The following JPH4 variants were observed in gnomAD, a reference collection of about 807,000 sequenced individuals.
JPH4 encodes junctophilin-4.
In JPH4, 18 loss-of-function variants were observed where a neutral mutation model predicts 57.6. The observed-to-expected ratio is 0.31, with a 90% confidence interval of 0.22 to 0.46. The LOEUF (loss-of-function observed/expected upper bound fraction) is 0.46. Among genes scored for constraint, JPH4 ranks in the 20% least tolerant of loss-of-function variants. The probability of loss-of-function intolerance (pLI) is 1.00; values close to 1 mark genes in which losing one functional copy is unlikely to be tolerated. For synonymous variants in JPH4, 425 were observed against 406.6 expected (o/e 1.05, Z -0.54); for missense variants, 727 against 911.1 (o/e 0.80, Z 2.60).
Position 23,575,113 on chromosome 14 carries a change from A to G in JPH4, c.1151+572T>C, listed in dbSNP as rs1377855063. ...GCCTCCTCCCCTCAAACCTCCCATC[A>G]GTTGGGTAAAAGAAGGCAGAGGGGG... On this transcript the variant is annotated intron_variant, in intron 3 of 5. Coordinates refer to ENST00000356300, the MANE Select transcript of JPH4 (RefSeq NM_001146028.2). The surrounding 1 kb of genome is among the most constrained non-coding windows in gnomAD (Gnocchi z 6.9). 1 of 153,748 alleles carries G rather than the reference A, an allele frequency of 6.5e-6. No homozygotes were observed. Among genetic ancestry groups the G allele is most frequent in the Non-Finnish European group, 1.4e-5 (1 of 69,206 alleles). The allele number at this position is 153,748 out of a possible 1,614,324, so 9.5% of individuals were successfully genotyped here. A position where few individuals can be genotyped will look rare whatever the true frequency, so the allele number is the denominator to read the frequency against.
intron 5 of JPH4, among the ~76,000 whole-genome samples, chr14:23,570,367 CTTTTTTT>C (rs1173061430): frequency 4.8e-5 from 5 of 103,316 alleles, no homozygotes; most frequent in Admixed American, 3.2e-4. Context: ...GGGCAAGTTA[CTTTTTTT>C]TTTTTTTTTT....
In JPH4 at chr14:23,571,157, G is replaced by C. The variant is rs367723718; in HGVS notation, c.1574C>G (p.Pro525Arg). 5.7e-5 allele frequency: 92 copies of C among 1,613,986 alleles called. No individual in the cohort carries two copies. Among genetic ancestry groups the C allele is most frequent in the Admixed American group, 8.3e-5 (5 of 60,002 alleles). The change falls in exon 5 of 6, where the codon CCC (proline) becomes CGC (arginine). Residue 525 changes from proline to arginine, a missense_variant. Physicochemically the swap from Pro to Arg is moderately radical, Grantham distance 103. Around this residue, in one of 7 missense-constraint regions of JPH4, gnomAD observed 293 missense variants for 279.8 expected, o/e 1.05. Transcript: ENST00000356300. The surrounding 1 kb of genome is among the most constrained non-coding windows in gnomAD (Gnocchi z 4.6). ...TCCGAGGAGTGGGGAACCGTCTCTG[G>C]GCCCTGGCCCTTGCATCCCAGCCTC... ...EDEAGMQGPG[P>R]RDGSPLLGGC...
Position 23,576,788 on chromosome 14 carries a change from C to A in JPH4, c.379+287G>T, listed in dbSNP as rs1027982588. 3.9e-5 allele frequency among the ~76,000 whole-genome samples: 6 copies of A among 152,020 alleles called. No individual in the cohort carries two copies. Among genetic ancestry groups the A allele is most frequent in the Non-Finnish European group, 7.4e-5 (5 of 68,006 alleles). ...GCAAACAGTACTCTGAGGGGCACGC[C>A]GACCCGACGGAGAGCAGAGGTGTTG... On this transcript the variant is annotated intron_variant, in intron 2 of 5. Coordinates refer to ENST00000356300, the MANE Select transcript of JPH4 (RefSeq NM_001146028.2). This position sits in a 1 kb window ranked among gnomAD's most constrained non-coding sequence, Gnocchi z 8.0.
chr14:23,570,532 C>T lies in JPH4; in HGVS notation c.1803+396G>A, dbSNP rs746600664. 5.9e-5 allele frequency among the ~76,000 whole-genome samples: 9 copies of T among 152,164 alleles called. No homozygotes were observed. In the South Asian group the frequency reaches 6.2e-4, roughly 11 times the overall value. On this transcript the variant is annotated intron_variant, in intron 5 of 5. Coordinates refer to ENST00000356300, the MANE Select transcript of JPH4 (RefSeq NM_001146028.2). The stretch of plus-strand genomic sequence containing the variant: ...GACTACAGGCGCCCGCCACCACGCC[C>T]GGCTAAATTTTTTTTGTATTTTTAG...
chr14:23,570,974 G>C lies in JPH4; in HGVS notation c.1757C>G (p.Thr586Arg). Residue 586 changes from threonine to arginine, a missense_variant, in exon 5 of 6, where the codon ACA becomes AGA. Physicochemically the swap from Thr to Arg is moderately conservative, Grantham distance 71. Coordinates refer to ENST00000356300, the MANE Select transcript of JPH4 (RefSeq NM_001146028.2). ...SSRGPDAGCL[T>R]EELGEPAATE... is the part of the protein sequence containing the mutation. ...TGCAGCGGGCTCCCCGAGCTCTTCT[G>C]TCAGGCACCCAGCATCAGGACCCCT... 1.3e-6 allele frequency: 2 copies of C among 1,533,864 alleles called. No homozygotes were observed. The highest frequency in any genetic ancestry group is 1.8e-6 in the Non-Finnish European group (2 of 1,140,638).
chr14:23,569,566 A>T lies in JPH4; in HGVS notation c.*68T>A, dbSNP rs1484944464. On this transcript the variant is annotated 3_prime_UTR_variant, in exon 6 of 6. Coordinates refer to ENST00000356300, the MANE Select transcript of JPH4 (RefSeq NM_001146028.2). This position sits in a 1 kb window ranked among gnomAD's most constrained non-coding sequence, Gnocchi z 4.8. Reference sequence around the variant, plus strand: ...AAAACACAGCCAGGAAGAGGAGAAGAGAAAAAAGGCAGGTCAAAGGGGTGA... The same window carrying T: ...AAAACACAGCCAGGAAGAGGAGAAGTGAAAAAAGGCAGGTCAAAGGGGTGA... 11 of 997,444 alleles carry T rather than the reference A, an allele frequency of 1.1e-5. No homozygotes were observed. In the African/African-American group the frequency reaches 1.6e-4, roughly 15 times the overall value. The allele number at this position is 997,444 out of a possible 1,614,324, so 61.8% of individuals were successfully genotyped here. A position where few individuals can be genotyped will look rare whatever the true frequency, so the allele number is the denominator to read the frequency against.
chr14:23,568,115 G>T lies in JPH4; in HGVS notation c.*1519C>A. The T allele has an allele frequency of 1.0e-6, 1 of 985,148 alleles. No homozygotes were observed. The allele number at this position is 985,148 out of a possible 1,614,324, so 61.0% of individuals were successfully genotyped here. On this transcript the variant is annotated 3_prime_UTR_variant, in exon 6 of 6. Transcript: ENST00000356300. ...TTTTCCTGCAAGACTTGGTGTTGGC[G>T]GCACTGTTGTAGTTTAACTTCAATC...
At chr14:23,573,094 G>A (rs1889193351) in intron 3 of JPH4, 5 of 626,616 alleles carry the variant, frequency 8.0e-6, no homozygotes, top group Non-Finnish European at 1.4e-5. Flanking sequence ...TCTGGCCACA[G>A]GCCTGTTCTC....
chr14:23,568,284 G>C lies in JPH4; in HGVS notation c.*1350C>G. 1.0e-6 allele frequency: 1 copy of C among 985,906 alleles called. No individual in the cohort carries two copies. The highest frequency in any genetic ancestry group is 4.7e-5 in the South Asian group (1 of 21,288). 61.1% of individuals were successfully genotyped at this position (985,906 alleles called of 1,614,324 possible). A position where few individuals can be genotyped will look rare whatever the true frequency, so the allele number is the denominator to read the frequency against. Reference sequence around the variant, plus strand: ...ATTCCTGGGCAAGGCCATTCCTTGAGGGAGGGGGTTGGCAGGCAGCTTGCC... The same window carrying C: ...ATTCCTGGGCAAGGCCATTCCTTGACGGAGGGGGTTGGCAGGCAGCTTGCC... On this transcript the variant is annotated 3_prime_UTR_variant, in exon 6 of 6. Transcript: ENST00000356300.
Position 23,568,832 on chromosome 14 carries a change from G to A in JPH4, c.*802C>T, listed in dbSNP as rs1888942145. On this transcript the variant is annotated 3_prime_UTR_variant, in exon 6 of 6. Transcript: ENST00000356300. Reference sequence around the variant, plus strand: ...TGGGGGAGACAGAAGGGTGGGAGAAGTCAGTGGCAAAGTCTGGGCAGGGTG... The same window carrying A: ...TGGGGGAGACAGAAGGGTGGGAGAAATCAGTGGCAAAGTCTGGGCAGGGTG... 2.0e-6 allele frequency: 2 copies of A among 984,264 alleles called. No individual in the cohort carries two copies. Among genetic ancestry groups the A allele is most frequent in the Non-Finnish European group, 2.4e-6 (2 of 828,432 alleles). The allele number at this position is 984,264 out of a possible 1,614,324, so 61.0% of individuals were successfully genotyped here.
chr14:23,571,250 G>C lies in JPH4; in HGVS notation c.1481C>G (p.Ala494Gly), dbSNP rs148124162. ...TGCCCCCCCCCACTCCTCAGGCCAAGCTTTGGGGCTGGAGAAGGGACCCTG... is the reference window on the plus strand; with the variant it reads ...TGCCCCCCCCCACTCCTCAGGCCAACCTTTGGGGCTGGAGAAGGGACCCTG... ...GDQGPFSSPK[A>G]WPEEWGGAGA... Residue 494 changes from alanine to glycine, a missense_variant, in exon 5 of 6, where the codon GCT becomes GGT. Physicochemically the swap from Ala to Gly is moderately conservative, Grantham distance 60. Transcript: ENST00000356300. This position sits in a 1 kb window ranked among gnomAD's most constrained non-coding sequence, Gnocchi z 4.6. 2 of 1,608,808 alleles carry C rather than the reference G, an allele frequency of 1.2e-6. No homozygotes were observed. Among genetic ancestry groups the C allele is most frequent in the Non-Finnish European group, 1.7e-6 (2 of 1,177,242 alleles).
chr14:23,575,430 A>C lies in JPH4; in HGVS notation c.1151+255T>G. On this transcript the variant is annotated intron_variant, in intron 3 of 5. Coordinates refer to ENST00000356300, the MANE Select transcript of JPH4 (RefSeq NM_001146028.2). The surrounding 1 kb of genome is among the most constrained non-coding windows in gnomAD (Gnocchi z 6.9). ...TTCCATAGACATGCATCTCCACACAAAAGACACCGAGACACATTTACAGTC... is the reference window on the plus strand; with the variant it reads ...TTCCATAGACATGCATCTCCACACACAAGACACCGAGACACATTTACAGTC... The C allele has an allele frequency of 1.7e-6, 1 of 573,808 alleles. No homozygotes were observed. The highest frequency in any genetic ancestry group is 3.1e-6 in the Non-Finnish European group (1 of 321,136). 35.5% of individuals were successfully genotyped at this position (573,808 alleles called of 1,614,324 possible).
rs561578841 is a variant in JPH4, at chr14:23,570,170, G to A, written c.1804-453C>T. Reference sequence around the variant, plus strand: ...TTCTTCTCTATTTCAACTTCTTCCCGGGAGAGGGAGGGAGAGTCAGGGTAG... The same window carrying A: ...TTCTTCTCTATTTCAACTTCTTCCCAGGAGAGGGAGGGAGAGTCAGGGTAG... On this transcript the variant is annotated intron_variant, in intron 5 of 5. Coordinates refer to ENST00000356300, the MANE Select transcript of JPH4 (RefSeq NM_001146028.2). Among the ~76,000 whole-genome samples, 5 of 151,702 alleles carry A rather than the reference G, an allele frequency of 3.3e-5. No individual in the cohort carries two copies. The South Asian group carries it at 1.0e-3, about 32-fold the overall frequency.
intron 3 of JPH4, among the ~76,000 whole-genome samples, chr14:23,574,596 GTGCTGCCCACCT>G (rs1328468141): frequency 6.6e-6 from 1 of 152,208 alleles, no homozygotes; most frequent in Non-Finnish European, 1.5e-5. Context: ...GGGCGGTCCC[GTGCTGCCCACCT>G]TGCTGCTCAC....
In JPH4 at chr14:23,568,657, G is replaced by A. The variant is rs1485273148; in HGVS notation, c.*977C>T. The A allele has an allele frequency of 2.0e-5, 20 of 985,834 alleles. No individual in the cohort carries two copies. The highest frequency in any genetic ancestry group is 2.3e-5 in the Non-Finnish European group (19 of 830,000). The allele number at this position is 985,834 out of a possible 1,614,324, so 61.1% of individuals were successfully genotyped here. Reference sequence around the variant, plus strand: ...TCTTGTCTGGTCCTATCCCCCAGAAGTGCCTCCTCCCACCACAACTCCCAG... The same window carrying A: ...TCTTGTCTGGTCCTATCCCCCAGAAATGCCTCCTCCCACCACAACTCCCAG... On this transcript the variant is annotated 3_prime_UTR_variant, in exon 6 of 6. Coordinates refer to ENST00000356300, the MANE Select transcript of JPH4 (RefSeq NM_001146028.2).
Position 23,577,286 on chromosome 14 carries a change from G to C in JPH4, c.168C>G (p.Pro56=). The C allele has an allele frequency of 6.5e-7, 1 of 1,537,228 alleles. No individual in the cohort carries two copies. The change falls in exon 2 of 6, where the codon CCC becomes CCG. Residue 56 remains proline (P), a synonymous_variant. Coordinates refer to ENST00000356300, the MANE Select transcript of JPH4 (RefSeq NM_001146028.2). This position sits in a 1 kb window ranked among gnomAD's most constrained non-coding sequence, Gnocchi z 8.4. ...AGTGGCCCTGGTAGCTGTGTCCGCC[G>C]GGCCCCGTGAAGACGCCCAGTGACT... is the stretch of plus-strand genomic sequence containing the variant. ...GFESLGVFTG[P]GGHSYQGHWQ...
In JPH4 at chr14:23,575,939, G is replaced by A; in HGVS notation, c.897C>T (p.Arg299=). ...CGCCCTCGTAGCGCAGCCCGTTGGA[G>A]CGCTGGCTGACGCCGAAGCCGCTGC... is the stretch of plus-strand genomic sequence containing the variant. The part of the protein sequence containing the change: ...DRRSGFGVSQ[R]SNGLRYEGEW... Residue 299 remains arginine, a synonymous_variant, in exon 3 of 6, where the codon CGC becomes CGT. Coordinates refer to ENST00000356300, the MANE Select transcript of JPH4 (RefSeq NM_001146028.2). This position sits in a 1 kb window ranked among gnomAD's most constrained non-coding sequence, Gnocchi z 6.9. The A allele has an allele frequency of 6.4e-7, 1 of 1,551,328 alleles. No homozygotes were observed. Among genetic ancestry groups the A allele is most frequent in the Non-Finnish European group, 8.6e-7 (1 of 1,157,122 alleles).
In JPH4 at chr14:23,575,932, C is replaced by G; in HGVS notation, c.904G>C (p.Gly302Arg). 1 of 1,554,768 alleles carries G rather than the reference C, an allele frequency of 6.4e-7. No homozygotes were observed. Among genetic ancestry groups the G allele is most frequent in the Non-Finnish European group, 8.6e-7 (1 of 1,158,352 alleles). The change falls in exon 3 of 6, where the codon GGG (glycine) becomes CGG (arginine). Residue 302 changes from glycine to arginine, a missense_variant. Physicochemically the swap from Gly to Arg is moderately radical, Grantham distance 125 (BLOSUM62 -2). This residue lies in a region of JPH4 where 112 missense variants were observed against 199.4 expected (regional missense o/e 0.56). Coordinates refer to ENST00000356300, the MANE Select transcript of JPH4 (RefSeq NM_001146028.2). This position sits in a 1 kb window ranked among gnomAD's most constrained non-coding sequence, Gnocchi z 6.9. Reference sequence around the variant, plus strand: ...AGCCACTCGCCCTCGTAGCGCAGCCCGTTGGAGCGCTGGCTGACGCCGAAG... The same window carrying G: ...AGCCACTCGCCCTCGTAGCGCAGCCGGTTGGAGCGCTGGCTGACGCCGAAG... Reference protein sequence around the residue: ...SGFGVSQRSNGLRYEGEWLGN... With the variant: ...SGFGVSQRSNRLRYEGEWLGN...
Position 23,576,028 on chromosome 14 carries a change from G to T in JPH4, c.808C>A (p.Pro270Thr), listed in dbSNP as rs1889263654. 1 of 1,341,026 alleles carries T rather than the reference G, an allele frequency of 7.5e-7. No homozygotes were observed. 83.1% of individuals were successfully genotyped at this position (1,341,026 alleles called of 1,614,324 possible). A position where few individuals can be genotyped will look rare whatever the true frequency, so the allele number is the denominator to read the frequency against. The change falls in exon 3 of 6, where the codon CCG becomes ACG. Residue 270 changes from proline (P) to threonine (T), a missense_variant. Coordinates refer to ENST00000356300, the MANE Select transcript of JPH4 (RefSeq NM_001146028.2). This position sits in a 1 kb window ranked among gnomAD's most constrained non-coding sequence, Gnocchi z 8.0. The part of the protein sequence containing the change: ...SEASGPPAAA[P>T]PALIEGSATE... ...GCCGAGCCCTCGATGAGGGCGGGCGGCGCTGCGGCCGGGGGCCCGCTGGCC... is the reference window on the plus strand; with the variant it reads ...GCCGAGCCCTCGATGAGGGCGGGCGTCGCTGCGGCCGGGGGCCCGCTGGCC...
Sources: gnomAD v4.1 joint callset for allele counts (sites outside exome capture counted in the v4.1 genomes callset) on GRCh38, gnomAD v4.1.1 for gene constraint, gnomAD v4.1.1 regional missense constraint, Gnocchi (gnomAD v3.1) non-coding constraint, MANE v1.5 for transcripts, NCBI Gene and HGNC (gene_info 2026-07-23, HGNC 2026-07-21) for gene names.